The following UBE2K variants were observed in gnomAD, a reference collection of about 807,000 sequenced individuals.
UBE2K encodes ubiquitin conjugating enzyme E2 K, also known as ubiquitin-conjugating enzyme E2 K.
In UBE2K, 6 loss-of-function variants were observed where a neutral mutation model predicts 30.0. The observed-to-expected ratio is 0.20, with a 90% CI of 0.11 to 0.39. The LOEUF is 0.39. UBE2K is among the 10% of genes least tolerant of loss of function. UBE2K has a pLI of 1.00. For missense variants in UBE2K, 61 were observed against 241.6 expected (o/e 0.25, Z 4.96); for synonymous variants, 86 against 83.7 (o/e 1.03, Z -0.15).
At chr4:39,740,776 T>G (rs1720655289) in intron 2 of UBE2K, among the ~76,000 whole-genome samples, 1 of 137,964 alleles carries the variant, frequency 7.2e-6, no homozygotes, top group Non-Finnish European at 1.5e-5. Flanking sequence ...GGCAGGAGAA[T>G]GGTGTGAACC....
At chr4:39,704,429 C>G (rs1718212433) in intron 1 of UBE2K, among the ~76,000 whole-genome samples, 1 of 151,952 alleles carries the variant, frequency 6.6e-6, no homozygotes, top group African/African-American at 2.4e-5. Flanking sequence ...AAATCAAAGT[C>G]TGTGCAGGTA....
In UBE2K at chr4:39,778,728, T is replaced by C. The variant is rs1713424927; in HGVS notation, c.*294T>C. On this transcript the variant is annotated 3_prime_UTR_variant, in exon 7 of 7. Transcript: ENST00000261427. ...AACATGCTACTTTAGTGTTTAGCAGTGTACCAAGACTAGCAAGAGTTTGCT... is the reference window on the plus strand; with the variant it reads ...AACATGCTACTTTAGTGTTTAGCAGCGTACCAAGACTAGCAAGAGTTTGCT... 3.6e-5 allele frequency: 9 copies of C among 247,150 alleles called. No individual in the cohort carries two copies. The South Asian group carries it at 6.6e-4, about 18-fold the overall frequency. 15.3% of individuals were successfully genotyped at this position (247,150 alleles called of 1,614,324 possible).
chr4:39,735,314 A>G (rs186933844), intron 1 of UBE2K, among the ~76,000 whole-genome samples: 1 of 152,198 alleles, frequency 6.6e-6, no homozygotes, highest in Admixed American at 6.5e-5. Context: ...GGTTCAAGTG[A>G]TTCTCCTGCC....
intron 3 of UBE2K, among the ~76,000 whole-genome samples, chr4:39,753,170 C>G (rs1721358984): frequency 6.6e-6 from 1 of 152,198 alleles, no homozygotes; most frequent in Admixed American, 6.5e-5. Context: ...GGGTGGATCT[C>G]TTAAGCCCAG....
chr4:39,700,572 A>G (rs1272090750), intron 1 of UBE2K, among the ~76,000 whole-genome samples: 1 of 152,154 alleles, frequency 6.6e-6, no homozygotes, highest in Non-Finnish European at 1.5e-5. Context: ...CTATAAGTGT[A>G]TTGTTATTTT....
At chr4:39,758,566 T>C (rs531119826) in intron 4 of UBE2K, among the ~76,000 whole-genome samples, 5 of 152,086 alleles carry the variant, frequency 3.3e-5, no homozygotes, top group Admixed American at 2.6e-4. Context: ...TAATCCCAGC[T>C]ACTTGGGAGG....
chr4:39,724,276 T>C (rs1256172137), intron 1 of UBE2K, among the ~76,000 whole-genome samples: 1 of 151,820 alleles, frequency 6.6e-6, no homozygotes, highest in African/African-American at 2.4e-5. Flanking sequence ...CCTGGCTAAT[T>C]TTTGTGGTAT....
At chr4:39,701,277 T>A (rs1452082845) in intron 1 of UBE2K, among the ~76,000 whole-genome samples, 1 of 152,208 alleles carries the variant, frequency 6.6e-6, no homozygotes, top group African/African-American at 2.4e-5. Context: ...TATAATTAGT[T>A]ATTTTATGAG....
At chr4:39,736,295 G>C (rs1032624219) in intron 1 of UBE2K, among the ~76,000 whole-genome samples, 1 of 152,014 alleles carries the variant, frequency 6.6e-6, no homozygotes, top group African/African-American at 2.4e-5. Flanking sequence ...ACCCCGTCTT[G>C]ACTAAAAATA....
At chr4:39,763,586 G>T (rs1193461610) in intron 4 of UBE2K, among the ~76,000 whole-genome samples, 1 of 152,004 alleles carries the variant, frequency 6.6e-6, no homozygotes, top group Non-Finnish European at 1.5e-5. Context: ...CATGAACTCA[G>T]TCATCACCAA....
chr4:39,755,616 A>G (rs1721486399), intron 3 of UBE2K, 41 bp from the exon 4 acceptor site: 1 of 1,417,424 alleles, frequency 7.1e-7, no homozygotes, highest in Non-Finnish European at 9.9e-7. Flanking sequence ...AAACTGTTTT[A>G]TTTCTGTTAC....
At chr4:39,712,195 C>CTTTTTTTTT (rs34711359) in intron 1 of UBE2K, among the ~76,000 whole-genome samples, 1 of 58,310 alleles carries the variant, frequency 1.7e-5, no homozygotes, top group Non-Finnish European at 2.9e-5. Flanking sequence ...CACCGACAAC[C>CTTTTTTTTT]TTTTTTTTTT....
At chr4:39,724,937 A>AT (rs1719656542) in intron 1 of UBE2K, among the ~76,000 whole-genome samples, 1 of 151,980 alleles carries the variant, frequency 6.6e-6, no homozygotes. Flanking sequence ...CAGTGTTCTT[A>AT]TTTTTGTTTA....
chr4:39,757,652 G>A (rs1030129521), intron 4 of UBE2K, among the ~76,000 whole-genome samples: 2 of 152,056 alleles, frequency 1.3e-5, no homozygotes, highest in African/African-American at 4.8e-5. Context: ...CTTTTGATTT[G>A]TGACTTTTAC....
Position 39,753,887 on chromosome 4 carries a change from G to A in UBE2K, c.217-1770G>A, listed in dbSNP as rs537557090. ...TCTAATCCCAGCACTTAGGGAGGCC[G>A]AGGCGGGTGGATCACCTGAGGTCAG... On this transcript the variant is annotated intron_variant, in intron 3 of 6. Transcript: ENST00000261427. 1.3e-4 allele frequency among the ~76,000 whole-genome samples: 20 copies of A among 152,228 alleles called. No individual in the cohort carries two copies. The South Asian group carries it at 2.9e-3, about 22-fold the overall frequency.
At chr4:39,711,130 G>A (rs1718647496) in intron 1 of UBE2K, among the ~76,000 whole-genome samples, 2 of 143,914 alleles carry the variant, frequency 1.4e-5, no homozygotes, top group African/African-American at 5.1e-5. Flanking sequence ...TTTTATGAAT[G>A]ATTGTAATGT....
intron 1 of UBE2K, among the ~76,000 whole-genome samples, chr4:39,730,331 C>T (rs1719999804): frequency 6.6e-6 from 1 of 152,024 alleles, no homozygotes; most frequent in Non-Finnish European, 1.5e-5. Flanking sequence ...ATTACAGACA[C>T]ACGTTTTTTG....
Position 39,720,453 on chromosome 4 carries a change from C to T in UBE2K, c.64-16967C>T, listed in dbSNP as rs192953443. Among the ~76,000 whole-genome samples the T allele has an allele frequency of 1.5e-3, 222 of 151,926 alleles. 1 individual carries two copies. Among genetic ancestry groups the T allele is most frequent in the Admixed American group, 3.1e-3 (47 of 15,246 alleles). On this transcript the variant is annotated intron_variant, in intron 1 of 6. Transcript: ENST00000261427. ...TATTTATTCACATATTTACTGAATG[C>T]TACCTATGTTAATAAAATGGACATG...
At chr4:39,725,211 C>T (rs913497911) in intron 1 of UBE2K, among the ~76,000 whole-genome samples, 5 of 151,586 alleles carry the variant, frequency 3.3e-5, no homozygotes, top group East Asian at 3.9e-4. Flanking sequence ...CATGGCGAAC[C>T]GTCTCTACAG....
Sources: allele counts gnomAD v4.1 joint callset (sites outside exome capture counted in the v4.1 genomes callset), GRCh38; gene constraint gnomAD v4.1.1; transcripts MANE v1.5; gene names NCBI Gene and HGNC (gene_info 2026-07-23, HGNC 2026-07-21).